The following ESR1 variants were observed in gnomAD, a reference collection of about 807,000 sequenced individuals.
ESR1 encodes estrogen receptor.
ESR1 carries 12 observed loss-of-function variants against 52.7 expected under a neutral mutation model. The ratio of observed to expected loss-of-function variants is 0.23; its 90% confidence interval spans 0.15 to 0.37. ESR1 has a LOEUF of 0.37. Among genes scored for constraint, ESR1 ranks in the 10% least tolerant of loss-of-function variants. The pLI is 1.00. For synonymous variants in ESR1, 305 were observed against 316.8 expected, an observed-to-expected ratio of 0.96 and a Z score of 0.39; for missense variants, 584 against 779.7, an observed-to-expected ratio of 0.75 and a Z score of 2.99.
At chr6:151,781,262 T>C (rs940181081) in intron 2 of ESR1, among the ~76,000 whole-genome samples, 4 of 152,066 alleles carry the variant, frequency 2.6e-5, no homozygotes, top group Admixed American at 2.0e-4. Flanking sequence ...ATTCTGGAGG[T>C]TGGAAAGTCT....
At chr6:151,973,871 T>C (rs1215625036) in intron 4 of ESR1, among the ~76,000 whole-genome samples, 1 of 152,168 alleles carries the variant, frequency 6.6e-6, no homozygotes. Flanking sequence ...CTCCTGTTAT[T>C]CTTGTTACTT....
intron 2 of ESR1, among the ~76,000 whole-genome samples, chr6:151,797,989 T>C (rs9479118): frequency 0.019 from 2,877 of 152,280 alleles, 106 homozygotes; most frequent in South Asian, 0.15. Context: ...AGACTTAAAT[T>C]AAGACCTTGA....
At chr6:151,798,165 C>T (rs866821654) in intron 2 of ESR1, among the ~76,000 whole-genome samples, 4 of 151,690 alleles carry the variant, frequency 2.6e-5, no homozygotes, top group African/African-American at 7.3e-5. Context: ...AGGACACATA[C>T]GTAAGGGAGA....
At chr6:151,974,927 C>T (rs74335006) in intron 4 of ESR1, among the ~76,000 whole-genome samples, 2,344 of 152,280 alleles carry the variant, frequency 0.015, 73 homozygotes, top group African/African-American at 0.054. Flanking sequence ...AGGCCCATCC[C>T]TACTACACAG....
At chr6:151,824,590 G>A (rs991711512) in intron 1 of ESR1, among the ~76,000 whole-genome samples, 19 of 152,138 alleles carry the variant, frequency 1.2e-4, no homozygotes, top group East Asian at 1.9e-4. Flanking sequence ...TTCTTCTAGG[G>A]TTTTTATGGT....
At chr6:151,970,954 C>T (rs2128633748) in intron 4 of ESR1, among the ~76,000 whole-genome samples, 1 of 152,270 alleles carries the variant, frequency 6.6e-6, no homozygotes, top group South Asian at 2.1e-4. Flanking sequence ...CTGTTTGTAT[C>T]TTTACTCTGT....
intron 4 of ESR1, among the ~76,000 whole-genome samples, chr6:151,953,019 A>G (rs2036488628): frequency 6.6e-6 from 1 of 152,196 alleles, no homozygotes; most frequent in African/African-American, 2.4e-5. Flanking sequence ...TTGAAATACT[A>G]GTTTTCACAA....
chr6:151,728,450 G>A (rs1183976507), intron 2 of ESR1, among the ~76,000 whole-genome samples: 3 of 152,192 alleles, frequency 2.0e-5, no homozygotes, highest in African/African-American at 7.2e-5. Flanking sequence ...GAGTAGTCTA[G>A]TGTTGTAGCT....
In ESR1 at chr6:152,011,836, C is replaced by T. The variant is rs775939873; in HGVS notation, c.1235+42C>T. 1.7e-5 allele frequency: 28 copies of T among 1,602,658 alleles called. No individual in the cohort carries two copies. The African/African-American group carries it at 1.9e-4, about 11-fold the overall frequency. On this transcript the variant is annotated intron_variant, in intron 5 of 7. Coordinates refer to ENST00000206249, the MANE Select transcript of ESR1 (RefSeq NM_000125.4). Reference sequence around the variant, plus strand: ...TAGCTTAGGAGTAGCATGTTCTTTACGATCATAGTTCATTCATGAAACTAT... The same window carrying T: ...TAGCTTAGGAGTAGCATGTTCTTTATGATCATAGTTCATTCATGAAACTAT...
chr6:151,875,004 C>G lies in ESR1; in HGVS notation c.644-5651C>G, dbSNP rs1241543893. 3.9e-5 allele frequency among the ~76,000 whole-genome samples: 6 copies of G among 152,254 alleles called. No homozygotes were observed. In the East Asian group the frequency reaches 9.7e-4, roughly 25 times the overall value. On this transcript the variant is annotated intron_variant, in intron 2 of 7. Transcript: ENST00000206249. ...AGCAGGGGAAAATGGCATTTTAATT[C>G]AGAAAAACATTTCTATATAAAACAA...
At position 151,980,483 on chromosome 6, in the gene ESR1, TTTTG is replaced by T. The variant is rs146595294; in HGVS notation, c.1097-31160_1097-31157del. 1.0e-2 allele frequency among the ~76,000 whole-genome samples: 1,517 copies of T among 152,312 alleles called. 28 individuals are homozygous for T. The highest frequency in any genetic ancestry group is 0.031 in the African/African-American group (1,273 of 41,564). On this transcript the variant is annotated intron_variant, in intron 4 of 7. Coordinates refer to ENST00000206249, the MANE Select transcript of ESR1 (RefSeq NM_000125.4). ...TGTTTTTTCCTAAATAGGAGGCATT[TTTTG>T]TTTGTTTGTTTGAACAAAAATCAAA...
At chr6:152,071,802 T>A (rs571688869) in intron 6 of ESR1, among the ~76,000 whole-genome samples, 1 of 152,246 alleles carries the variant, frequency 6.6e-6, no homozygotes, top group African/African-American at 2.4e-5. Context: ...TTCAGGATTA[T>A]AAATAACATT....
chr6:152,066,945 G>T (rs1562747307), intron 6 of ESR1, among the ~76,000 whole-genome samples: 2 of 152,308 alleles, frequency 1.3e-5, no homozygotes, highest in Non-Finnish European at 2.9e-5. Context: ...AGTTAGTAAA[G>T]CATCTTGCAC....
At position 151,921,910 on chromosome 6, in the gene ESR1, T is replaced by G. The variant is rs146886443; in HGVS notation, c.761-22263T>G. Among the ~76,000 whole-genome samples the G allele has an allele frequency of 1.2e-3, 176 of 152,364 alleles. 1 individual carries two copies. Among genetic ancestry groups the G allele is most frequent in the African/African-American group, 4.1e-3 (171 of 41,580 alleles). On this transcript the variant is annotated intron_variant, in intron 3 of 7. Transcript: ENST00000206249. ...GTTGCCTGTTTTCTCTGATGATTGT[T>G]TCTTTTGCTGTACAGAAGATCTTTA... is the stretch of plus-strand genomic sequence containing the variant.
At chr6:152,042,725 A>G (rs1235482095) in intron 5 of ESR1, among the ~76,000 whole-genome samples, 2 of 152,210 alleles carry the variant, frequency 1.3e-5, no homozygotes, top group Non-Finnish European at 2.9e-5. Flanking sequence ...TTCTGCTTAT[A>G]TAAATTAAGC....
At chr6:152,060,890 C>A in intron 5 of ESR1, 101 bp from the exon 6 acceptor site, 2 of 921,862 alleles carry the variant, frequency 2.2e-6, no homozygotes, top group South Asian at 3.1e-5. Context: ...AGATTTAGAA[C>A]CAGTGGATTT....
At chr6:151,726,419 C>T (rs1368277077) in intron 2 of ESR1, among the ~76,000 whole-genome samples, 1 of 152,040 alleles carries the variant, frequency 6.6e-6, no homozygotes, top group Non-Finnish European at 1.5e-5. Context: ...GCAAGCTCCG[C>T]CTGCCGGGTT....
chr6:151,792,836 T>C (rs367807725), intron 2 of ESR1, among the ~76,000 whole-genome samples: 1 of 152,232 alleles, frequency 6.6e-6, no homozygotes, highest in South Asian at 2.1e-4. Context: ...TTTTCTTTCT[T>C]TACATCCTTA....
At chr6:151,680,292 CT>C (rs2115293012) in intron 1 of ESR1, among the ~76,000 whole-genome samples, 1 of 151,378 alleles carries the variant, frequency 6.6e-6, no homozygotes, top group Non-Finnish European at 1.5e-5. Context: ...CAATCTCCAC[CT>C]TCCAGGTTCA....
Sources: allele counts gnomAD v4.1 joint callset (sites outside exome capture counted in the v4.1 genomes callset), GRCh38; gene constraint gnomAD v4.1.1; transcripts MANE v1.5; gene names NCBI Gene and HGNC (gene_info 2026-07-23, HGNC 2026-07-21).